NTRK2: variants seen among roughly 807,000 people sequenced by gnomAD.
The protein encoded by NTRK2 is BDNF/NT-3 growth factors receptor.
A neutral mutation model predicts 94.5 loss-of-function variants in NTRK2; 13 were observed. The observed-to-expected ratio is 0.14, with a 90% CI of 0.09 to 0.22. The LOEUF is 0.22. Among genes scored for constraint, NTRK2 ranks in the 10% least tolerant of loss-of-function variants. The pLI is 1.00. For missense variants in NTRK2, 639 were observed against 1,071.2 expected (o/e 0.60, Z 5.63); for synonymous variants, 372 against 407.4 (o/e 0.91, Z 1.05).
intron 12 of NTRK2, among the ~76,000 whole-genome samples, chr9:84,791,965 G>C (rs1261377513): frequency 2.0e-5 from 3 of 152,116 alleles, no homozygotes; most frequent in Non-Finnish European, 4.4e-5. Flanking sequence ...CATTTGAGGG[G>C]GAGTCTCTTT....
In NTRK2 at chr9:84,835,661, T is replaced by A. The variant is rs191032044; in HGVS notation, c.1397-25379T>A. 7.2e-5 allele frequency among the ~76,000 whole-genome samples: 11 copies of A among 152,250 alleles called. No homozygotes were observed. The East Asian group carries it at 2.1e-3, about 29-fold the overall frequency. On this transcript the variant is annotated intron_variant, in intron 12 of 18. Coordinates refer to ENST00000277120, the MANE Select transcript of NTRK2 (RefSeq NM_006180.6). Reference sequence around the variant, plus strand: ...GTCAGGTTGTAAAATCAGGCAGTTGTCTCTCAAAATCATTGCTGAAGATAG... The same window carrying A: ...GTCAGGTTGTAAAATCAGGCAGTTGACTCTCAAAATCATTGCTGAAGATAG...
chr9:84,724,643 G>T (rs1385659577), intron 8 of NTRK2, among the ~76,000 whole-genome samples: 1 of 152,052 alleles, frequency 6.6e-6, no homozygotes, highest in African/African-American at 2.4e-5. Flanking sequence ...TGGGCTGGTT[G>T]CTCCCTCTGG....
intron 14 of NTRK2, chr9:84,878,028 C>T (rs1182177488): frequency 1.3e-6 from 1 of 779,562 alleles, no homozygotes; most frequent in South Asian, 5.9e-5. Context: ...CATTGGTTCC[C>T]CAGTTGCCCC....
intron 12 of NTRK2, among the ~76,000 whole-genome samples, chr9:84,754,120 G>A (rs560048646): frequency 7.9e-5 from 12 of 152,288 alleles, no homozygotes; most frequent in South Asian, 2.1e-4. Flanking sequence ...CCACTAAAGC[G>A]TCTACGTTTT....
intron 14 of NTRK2, chr9:84,872,009 A>T: frequency 6.7e-7 from 1 of 1,499,368 alleles, no homozygotes; most frequent in Non-Finnish European, 8.9e-7. Context: ...GTGTGCTCTA[A>T]TGACTAACCC....
At chr9:84,712,493 T>C (rs747976713) in intron 6 of NTRK2, among the ~76,000 whole-genome samples, 5 of 152,230 alleles carry the variant, frequency 3.3e-5, no homozygotes, top group African/African-American at 7.2e-5. Flanking sequence ...CGATTAGGAC[T>C]GAATGGTTAC....
At position 84,800,234 on chromosome 9, in the gene NTRK2, G is replaced by A. The variant is rs576718349; in HGVS notation, c.1396+48149G>A. ...CTTTTTTTTTTTGAGATGGAGTCTC[G>A]CTCTGTCGCCCAGGCTGGAGTGCAA... On this transcript the variant is annotated intron_variant, in intron 12 of 18. Transcript: ENST00000277120. Among the ~76,000 whole-genome samples, 28 of 150,862 alleles carry A rather than the reference G, an allele frequency of 1.9e-4. No individual in the cohort carries two copies. The South Asian group carries it at 3.8e-3, about 20-fold the overall frequency.
In NTRK2 at chr9:84,752,092, AG is replaced by A. The variant is rs781678424; in HGVS notation, c.1396+10del. 8.9e-5 allele frequency: 143 copies of A among 1,610,736 alleles called. No individual in the cohort carries two copies. The highest frequency in any genetic ancestry group is 1.7e-5 in the Admixed American group (1 of 59,996). On this transcript the variant is annotated splice_region_variant and intron_variant, in intron 12 of 18. Transcript: ENST00000277120. ...TCCAAGTTTGGCATGAAAGGTAAGA[AG>A]GGTTGTGTTTATTTAGCTTCTTATG...
At chr9:84,829,878 T>G (rs2073425013) in intron 12 of NTRK2, among the ~76,000 whole-genome samples, 1 of 152,222 alleles carries the variant, frequency 6.6e-6, no homozygotes, top group Admixed American at 6.5e-5. Flanking sequence ...AAAGATTTTC[T>G]TTCCTCTTAC....
At chr9:84,702,316 T>C in intron 3 of NTRK2, 32 bp from the exon 4 acceptor site, 1 of 1,612,466 alleles carries the variant, frequency 6.2e-7, no homozygotes, top group Non-Finnish European at 8.5e-7. Flanking sequence ...ACTGGTTCGT[T>C]CTAATGTGCA....
rs79023080 is a variant in NTRK2 at position 84,961,031 on chromosome 9, A to G, written c.2172+5514A>G. On this transcript the variant is annotated intron_variant, in intron 17 of 18. Coordinates refer to ENST00000277120, the MANE Select transcript of NTRK2 (RefSeq NM_006180.6). ...TAGGAGTGTTGACTTCAAGAAGTAA[A>G]GCTAGGAATATAGGACCATCCCTAT... Among the ~76,000 whole-genome samples the G allele has an allele frequency of 1.6e-3, 239 of 152,320 alleles. 5 individuals carry two copies. In the East Asian group the frequency reaches 0.038, roughly 24 times the overall value.
At chr9:84,858,874 GA>G (rs965433677) in intron 12 of NTRK2, among the ~76,000 whole-genome samples, 54 of 150,652 alleles carry the variant, frequency 3.6e-4, no homozygotes, top group East Asian at 1.7e-3. Context: ...AAAAAAGAAT[GA>G]AAAAAAAACC....
At chr9:84,680,158 C>T (rs2059307080) in intron 2 of NTRK2, among the ~76,000 whole-genome samples, 1 of 152,116 alleles carries the variant, frequency 6.6e-6, no homozygotes, top group South Asian at 2.1e-4. Context: ...TGCCATCATG[C>T]AAAAAGTAGT....
intron 14 of NTRK2, among the ~76,000 whole-genome samples, chr9:84,920,562 T>C (rs72739924): frequency 0.045 from 6,901 of 152,240 alleles, 233 homozygotes; most frequent in African/African-American, 0.089. Flanking sequence ...CTCCACCAAA[T>C]GGGGCAGTCC....
intron 12 of NTRK2, among the ~76,000 whole-genome samples, chr9:84,762,410 A>C (rs143293337): frequency 2.0e-4 from 30 of 152,326 alleles, no homozygotes; most frequent in Middle Eastern, 3.4e-3. Context: ...TTGAAACATT[A>C]GATGTTTCTA....
At chr9:84,709,961 CTGTGTGTG>C (rs35954183) in intron 5 of NTRK2, among the ~76,000 whole-genome samples, 27 of 115,348 alleles carry the variant, frequency 2.3e-4, no homozygotes, top group African/African-American at 6.1e-4. Flanking sequence ...ATAGCTTGCT[CTGTGTGTG>C]TGTGTGTGTG....
intron 17 of NTRK2, among the ~76,000 whole-genome samples, chr9:84,963,456 C>T (rs1400463194): frequency 1.3e-5 from 2 of 152,160 alleles, no homozygotes; most frequent in Non-Finnish European, 2.9e-5. Flanking sequence ...AACTATAAAT[C>T]GAAGTGATAC....
At chr9:84,856,209 A>T (rs897556885) in intron 12 of NTRK2, among the ~76,000 whole-genome samples, 2 of 152,228 alleles carry the variant, frequency 1.3e-5, no homozygotes, top group East Asian at 3.8e-4. Flanking sequence ...AAAGTTGGTC[A>T]GGAGGATACA....
At chr9:84,875,192 A>G in intron 14 of NTRK2, 2 of 1,058,230 alleles carry the variant, frequency 1.9e-6, no homozygotes, top group Non-Finnish European at 2.3e-6. Context: ...GGACTCTGTT[A>G]ATATTTCTAT....
Sources: allele counts gnomAD v4.1 joint callset (sites outside exome capture counted in the v4.1 genomes callset), GRCh38; gene constraint gnomAD v4.1.1; transcripts MANE v1.5; gene names NCBI Gene and HGNC (gene_info 2026-07-23, HGNC 2026-07-21).